The following EIF3H variants were observed in gnomAD, a reference collection of about 807,000 sequenced individuals.
EIF3H encodes the protein eIF-3-gamma.
A neutral mutation model predicts 44.2 loss-of-function variants in EIF3H; 26 were observed. That is an observed-to-expected ratio of 0.59 (90% CI 0.43 to 0.82). EIF3H has a LOEUF of 0.82. Ranked by LOEUF, EIF3H falls within the 40% of genes least tolerant of loss-of-function variation. EIF3H has a pLI of 0.00. For synonymous variants in EIF3H, 166 were observed against 151.9 expected (o/e 1.09, Z -0.68); for missense variants, 359 against 432.8 (o/e 0.83, Z 1.51).
At chr8:116,735,723 A>C (rs1815023995) in intron 1 of EIF3H, among the ~76,000 whole-genome samples, 1 of 151,998 alleles carries the variant, frequency 6.6e-6, no homozygotes, top group African/African-American at 2.4e-5. Flanking sequence ...CATCGTGGGG[A>C]ATCTGCTGTT....
chr8:116,755,186 T>C (rs1039149206), intron 1 of EIF3H, among the ~76,000 whole-genome samples: 1 of 152,244 alleles, frequency 6.6e-6, no homozygotes, highest in African/African-American at 2.4e-5. Context: ...TTCTAAATTA[T>C]ACGGTTTCAG....
chr8:116,661,925 T>C (rs1813592553), intron 2 of EIF3H, among the ~76,000 whole-genome samples: 1 of 152,174 alleles, frequency 6.6e-6, no homozygotes, highest in South Asian at 2.1e-4. Flanking sequence ...TCCTCCAACA[T>C]ATTTCTGGGG....
chr8:116,644,826 A>G lies in EIF3H; in HGVS notation c.*180T>C. 3.7e-6 allele frequency: 2 copies of G among 539,552 alleles called. No individual in the cohort carries two copies. Among genetic ancestry groups the G allele is most frequent in the Non-Finnish European group, 6.6e-6 (2 of 301,724 alleles). The allele number at this position is 539,552 out of a possible 1,614,324, so 33.4% of individuals were successfully genotyped here. On this transcript the variant is annotated 3_prime_UTR_variant, in exon 8 of 8. Coordinates refer to ENST00000521861, the MANE Select transcript of EIF3H (RefSeq NM_003756.3). ...AAAATACATCTAAAATCAAATGAGCAAGCAGTCAAGATTTTGTTTTATTTT... is the reference window on the plus strand; with the variant it reads ...AAAATACATCTAAAATCAAATGAGCGAGCAGTCAAGATTTTGTTTTATTTT...
At chr8:116,754,976 C>T (rs1431086865) in intron 1 of EIF3H, among the ~76,000 whole-genome samples, 4 of 152,134 alleles carry the variant, frequency 2.6e-5, no homozygotes, top group African/African-American at 9.7e-5. Flanking sequence ...AAAACTAGAA[C>T]GTCATATAAA....
intron 2 of EIF3H, among the ~76,000 whole-genome samples, chr8:116,660,502 C>T (rs1449215255): frequency 1.3e-5 from 2 of 152,108 alleles, no homozygotes; most frequent in African/African-American, 4.8e-5. Flanking sequence ...AACTCATCAA[C>T]TACACAAGAA....
chr8:116,663,895 C>T (rs2130803414), intron 2 of EIF3H, among the ~76,000 whole-genome samples: 1 of 144,802 alleles, frequency 6.9e-6, no homozygotes, highest in African/African-American at 2.6e-5. Context: ...CACACCACTG[C>T]ACTCCAGCCT....
At chr8:116,749,959 A>G (rs1202078297) in intron 1 of EIF3H, among the ~76,000 whole-genome samples, 1 of 152,306 alleles carries the variant, frequency 6.6e-6, no homozygotes, top group Non-Finnish European at 1.5e-5. Flanking sequence ...GCCACTATCA[A>G]TGTGCCAGGA....
At chr8:116,756,673 G>C (rs1002991427), upstream of EIF3H, among the ~76,000 whole-genome samples, 1 of 152,114 alleles carries the variant, frequency 6.6e-6, no homozygotes, top group Non-Finnish European at 1.5e-5. Flanking sequence ...GAAGTTTTTT[G>C]TTGTTTTGTC....
intron 2 of EIF3H, among the ~76,000 whole-genome samples, chr8:116,703,712 C>T (rs576090704): frequency 6.6e-6 from 1 of 152,294 alleles, no homozygotes; most frequent in South Asian, 2.1e-4. Context: ...GGCTCACACT[C>T]CTTACCCTGC....
intron 2 of EIF3H, among the ~76,000 whole-genome samples, chr8:116,691,414 T>C (rs1388578802): frequency 1.3e-5 from 2 of 152,108 alleles, no homozygotes; most frequent in Admixed American, 1.3e-4. Flanking sequence ...ATCCCAAATA[T>C]ATGGACTCTC....
intron 2 of EIF3H, among the ~76,000 whole-genome samples, chr8:116,690,147 T>C (rs990706576): frequency 6.6e-6 from 1 of 152,206 alleles, no homozygotes; most frequent in African/African-American, 2.4e-5. Flanking sequence ...TGTTTCCTAC[T>C]ATTCTACTAT....
intron 1 of EIF3H, among the ~76,000 whole-genome samples, chr8:116,763,194 G>T (rs1464826618): frequency 6.6e-6 from 1 of 152,142 alleles, no homozygotes; most frequent in Non-Finnish European, 1.5e-5. Flanking sequence ...ATTTCTACAG[G>T]ATTGTTAGGT....
chr8:116,697,266 G>T (rs1178913889), intron 2 of EIF3H: 11 of 444,670 alleles, frequency 2.5e-5, no homozygotes, highest in Non-Finnish European at 4.5e-5. Context: ...AACAAAAAAA[G>T]AATAGATTTT....
At chr8:116,669,395 C>G (rs1403488329) in intron 2 of EIF3H, among the ~76,000 whole-genome samples, 2 of 152,114 alleles carry the variant, frequency 1.3e-5, no homozygotes, top group Non-Finnish European at 2.9e-5. Context: ...CCCCTATCCC[C>G]AACAGGTGAC....
chr8:116,726,194 G>T (rs752365903), intron 1 of EIF3H, 22 bp from the exon 2 acceptor site: 7 of 1,594,858 alleles, frequency 4.4e-6, no homozygotes, highest in Non-Finnish European at 6.0e-6. Context: ...ACACACAGAA[G>T]GGAGCTTAAC....
intron 1 of EIF3H, among the ~76,000 whole-genome samples, chr8:116,762,175 T>C (rs1815524724): frequency 6.6e-6 from 1 of 152,246 alleles, no homozygotes; most frequent in Non-Finnish European, 1.5e-5. Flanking sequence ...AACATATTTG[T>C]TCATATAAAA....
rs1813539710 is a variant in EIF3H, at chr8:116,658,879, G to A, written c.391C>T (p.Arg131Trp). 7.4e-6 allele frequency: 12 copies of A among 1,613,918 alleles called. No individual in the cohort carries two copies. Among genetic ancestry groups the A allele is most frequent in the Non-Finnish European group, 9.3e-6 (11 of 1,179,856 alleles). ...QSTYYGSFVT[R>W]ALLDSQFSYQ... Reference sequence around the variant, plus strand: ...CTAAACTGAGAGTCCAGGAGTGCCCGGGTAACGAATGAGCCATAGTATGTG... The same window carrying A: ...CTAAACTGAGAGTCCAGGAGTGCCCAGGTAACGAATGAGCCATAGTATGTG... Residue 131 changes from arginine (R) to tryptophan (W), a missense_variant, in exon 3 of 8, where the codon CGG becomes TGG. Around this residue, in one of 5 missense-constraint regions of EIF3H, gnomAD observed 91 missense variants for 164.6 expected, o/e 0.55. Coordinates refer to ENST00000521861, the MANE Select transcript of EIF3H (RefSeq NM_003756.3).
upstream of EIF3H, chr8:116,766,323 T>TGTGCGCCCCCGTGCGGAATC (rs1815573281): frequency 7.8e-6 from 3 of 383,336 alleles, no homozygotes; most frequent in African/African-American, 6.3e-5. Flanking sequence ...AGACTGCGCA[T>TGTGCGCCCCCGTGCGGAATC]GTGCGCCCCC....
At chr8:116,720,103 G>A (rs901966799) in intron 2 of EIF3H, among the ~76,000 whole-genome samples, 7 of 152,132 alleles carry the variant, frequency 4.6e-5, no homozygotes, top group Non-Finnish European at 7.4e-5. Context: ...CAACTGTGCA[G>A]ATTAACAACT....
Sources: gnomAD v4.1 joint callset for allele counts (sites outside exome capture counted in the v4.1 genomes callset) on GRCh38, gnomAD v4.1.1 for gene constraint, gnomAD v4.1.1 regional missense constraint, MANE v1.5 for transcripts, NCBI Gene and HGNC (gene_info 2026-07-23, HGNC 2026-07-21) for gene names.